B3GALT1: variants seen among roughly 807,000 people sequenced by gnomAD.
The protein encoded by B3GALT1 is beta-1,3-galactosyltransferase 1.
Under a neutral mutation model 23.2 loss-of-function variants are expected in B3GALT1, and 10 were observed. That is an observed-to-expected ratio of 0.43 (90% CI 0.27 to 0.73). The LOEUF (loss-of-function observed/expected upper bound fraction) is 0.73. Among genes scored for constraint, B3GALT1 ranks in the 30% least tolerant of loss-of-function variants. The pLI is 0.21. For synonymous variants in B3GALT1, 156 were observed against 141.5 expected (o/e 1.10, Z -0.73); for missense variants, 299 against 405.4 (o/e 0.74, Z 2.25).
At chr2:167,559,297 C>T (rs1683920534) in intron 2 of B3GALT1, among the ~76,000 whole-genome samples, 1 of 152,246 alleles carries the variant, frequency 6.6e-6, no homozygotes, top group African/African-American at 2.4e-5. Context: ...ACACCAAAAA[C>T]CCATCTGTAC....
rs1699230843 is a variant in B3GALT1 at position 167,459,923 on chromosome 2, G to C, written c.-510-30254G>C. Among the ~76,000 whole-genome samples, 2 of 152,120 alleles carry C rather than the reference G, an allele frequency of 1.3e-5. 1 individual carries two copies. Among genetic ancestry groups the C allele is most frequent in the South Asian group, 4.1e-4 (2 of 4,830 alleles). On this transcript the variant is annotated intron_variant, in intron 1 of 4. Coordinates refer to ENST00000392690, the MANE Select transcript of B3GALT1 (RefSeq NM_020981.4). ...TTTTGTTGTTTCATTTTAGCCCTTT[G>C]AATAGGTTGATTCACTGCCTTCTGG...
At chr2:167,512,562 A>G (rs1166999704) in intron 2 of B3GALT1, among the ~76,000 whole-genome samples, 3 of 101,230 alleles carry the variant, frequency 3.0e-5, no homozygotes, top group African/African-American at 1.2e-4. Flanking sequence ...ATATGTATAT[A>G]TATATGTATA....
At chr2:167,663,103 TC>T (rs1303417034) in intron 3 of B3GALT1, among the ~76,000 whole-genome samples, 1 of 84,414 alleles carries the variant, frequency 1.2e-5, no homozygotes, top group Admixed American at 1.6e-4. Context: ...ATGCTATCCC[TC>T]CCCCCTCCCC....
chr2:167,840,387 A>G (rs1472788311), intron 4 of B3GALT1, among the ~76,000 whole-genome samples: 1 of 152,144 alleles, frequency 6.6e-6, no homozygotes, highest in Non-Finnish European at 1.5e-5. Flanking sequence ...ACACTTCTCA[A>G]AAGAAGACAT....
In B3GALT1 at chr2:167,527,708, A is replaced by G. The variant is rs941564061; in HGVS notation, c.-410+37431A>G. Among the ~76,000 whole-genome samples the G allele has an allele frequency of 2.0e-5, 3 of 152,262 alleles. No individual in the cohort carries two copies. In the East Asian group the frequency reaches 5.8e-4, roughly 29 times the overall value. ...TGTACTGGTATACAATTTTTAAAATACTATTCATAATCTTATACAATCCCT... is the reference window on the plus strand; with the variant it reads ...TGTACTGGTATACAATTTTTAAAATGCTATTCATAATCTTATACAATCCCT... On this transcript the variant is annotated intron_variant, in intron 2 of 4. Transcript: ENST00000392690.
At chr2:167,427,304 G>T (rs1456668074) in intron 1 of B3GALT1, among the ~76,000 whole-genome samples, 2 of 152,068 alleles carry the variant, frequency 1.3e-5, no homozygotes, top group African/African-American at 4.8e-5. Flanking sequence ...TGTTGGTGAA[G>T]TTCTATTTTT....
intron 2 of B3GALT1, among the ~76,000 whole-genome samples, chr2:167,558,874 G>A (rs1277157787): frequency 6.6e-6 from 1 of 152,158 alleles, no homozygotes; most frequent in Non-Finnish European, 1.5e-5. Context: ...CCACCTCTGG[G>A]GGCAGGGCAC....
At chr2:167,294,620 A>G (rs1314208291) in intron 1 of B3GALT1, among the ~76,000 whole-genome samples, 3 of 152,088 alleles carry the variant, frequency 2.0e-5, no homozygotes. Flanking sequence ...AAGTTCTTGA[A>G]ATACCTCAAT....
intron 1 of B3GALT1, among the ~76,000 whole-genome samples, chr2:167,341,451 C>G (rs1697144433): frequency 6.6e-6 from 1 of 152,182 alleles, no homozygotes; most frequent in Admixed American, 6.5e-5. Flanking sequence ...CACTTCAGGT[C>G]AGGAGTTTGA....
intron 3 of B3GALT1, among the ~76,000 whole-genome samples, chr2:167,665,179 T>C (rs1686151681): frequency 6.6e-6 from 1 of 150,384 alleles, no homozygotes. Flanking sequence ...TGAAGCGTTG[T>C]TGAATTTTGT....
chr2:167,667,441 T>G (rs1686222588), intron 3 of B3GALT1, among the ~76,000 whole-genome samples: 2 of 152,116 alleles, frequency 1.3e-5, no homozygotes, highest in Non-Finnish European at 2.9e-5. Context: ...GGAGTTGCTC[T>G]TCTCGAGGAG....
intron 1 of B3GALT1, among the ~76,000 whole-genome samples, chr2:167,355,265 C>A (rs1168268255): frequency 1.3e-5 from 2 of 152,190 alleles, no homozygotes; most frequent in African/African-American, 4.8e-5. Context: ...GAGAGCCCTA[C>A]AAATAATTTG....
At chr2:167,789,771 C>T (rs1688402331) in intron 3 of B3GALT1, among the ~76,000 whole-genome samples, 1 of 152,102 alleles carries the variant, frequency 6.6e-6, no homozygotes, top group Non-Finnish European at 1.5e-5. Context: ...ACAGCTTCTC[C>T]ACCTTTCCTC....
At chr2:167,372,364 T>C (rs1697699896) in intron 1 of B3GALT1, among the ~76,000 whole-genome samples, 1 of 152,050 alleles carries the variant, frequency 6.6e-6, no homozygotes, top group African/African-American at 2.4e-5. Context: ...CTCAATATTA[T>C]AAAAGAAATC....
At chr2:167,425,112 A>G (rs1041085819) in intron 1 of B3GALT1, among the ~76,000 whole-genome samples, 1 of 152,198 alleles carries the variant, frequency 6.6e-6, no homozygotes, top group African/African-American at 2.4e-5. Flanking sequence ...TGTATTTGTG[A>G]CTGTAAACAG....
intron 2 of B3GALT1, among the ~76,000 whole-genome samples, chr2:167,597,876 G>C (rs372702126): frequency 6.6e-6 from 1 of 152,132 alleles, no homozygotes; most frequent in Admixed American, 6.5e-5. Flanking sequence ...AACTTAAATC[G>C]CATCAGATTT....
chr2:167,580,045 G>A (rs1449020457), intron 2 of B3GALT1, among the ~76,000 whole-genome samples: 4 of 152,042 alleles, frequency 2.6e-5, no homozygotes, highest in South Asian at 2.1e-4. Context: ...TCATCTTCAC[G>A]ATATTGGGAA....
chr2:167,573,776 A>G (rs1272544527), intron 2 of B3GALT1, among the ~76,000 whole-genome samples: 1 of 151,532 alleles, frequency 6.6e-6, no homozygotes, highest in African/African-American at 2.4e-5. Flanking sequence ...AATAATCCAG[A>G]AAAAAAAGTG....
At chr2:167,383,307 G>C (rs1450695714) in intron 1 of B3GALT1, among the ~76,000 whole-genome samples, 1 of 151,794 alleles carries the variant, frequency 6.6e-6, no homozygotes, top group Non-Finnish European at 1.5e-5. Context: ...AACAGAAATA[G>C]TTATTCAAGA....
Sources: gnomAD v4.1 joint callset for allele counts (sites outside exome capture counted in the v4.1 genomes callset) on GRCh38, gnomAD v4.1.1 for gene constraint, MANE v1.5 for transcripts, NCBI Gene and HGNC (gene_info 2026-07-23, HGNC 2026-07-21) for gene names.